The following COL5A2 variants were observed in gnomAD, a reference collection of about 807,000 sequenced individuals.
The protein encoded by COL5A2 is collagen type V alpha 2 chain.
Under a neutral mutation model 208.2 loss-of-function variants are expected in COL5A2, and 23 were observed. That is an observed-to-expected ratio of 0.11 (90% CI 0.08 to 0.16). The LOEUF (loss-of-function observed/expected upper bound fraction) is 0.16, where lower values mean the gene tolerates loss of function less well. COL5A2 is among the 10% of genes least tolerant of loss of function. The pLI, the probability that COL5A2 is intolerant of heterozygous loss-of-function variation, is 1.00. For missense variants in COL5A2, 1,590 were observed against 1,956.4 expected, an observed-to-expected ratio of 0.81 and a Z score of 3.53; for synonymous variants, 625 against 628.5, an observed-to-expected ratio of 0.99 and a Z score of 0.08.
At chr2:189,304,449 G>T in the COL5A2 span, among the ~76,000 whole-genome samples, 1 of 152,192 alleles carries the variant, frequency 6.6e-6, no homozygotes. Context: ...TGTTCAGCCT[G>T]TACAGGAAGC....
At chr2:189,181,891 T>G (rs977307617), upstream of COL5A2, among the ~76,000 whole-genome samples, 1 of 152,210 alleles carries the variant, frequency 6.6e-6, no homozygotes, top group Non-Finnish European at 1.5e-5. Context: ...AGTTTCAATC[T>G]CCTCTTCCCA....
the COL5A2 span, among the ~76,000 whole-genome samples, chr2:189,252,244 C>T: frequency 2.0e-5 from 3 of 152,134 alleles, no homozygotes; most frequent in Non-Finnish European, 4.4e-5. Context: ...CCATTTGACC[C>T]AGCCATCCCA....
intron 11 of COL5A2, among the ~76,000 whole-genome samples, chr2:189,084,772 C>T (rs72904475): frequency 0.14 from 21,619 of 152,092 alleles, 1,528 homozygotes; most frequent in Middle Eastern, 0.19. Flanking sequence ...ACTACTAACA[C>T]GTTTTAAAAA....
the COL5A2 span, among the ~76,000 whole-genome samples, chr2:189,350,626 A>C: frequency 0.036 from 5,540 of 152,226 alleles, 117 homozygotes; most frequent in Admixed American, 0.05. Flanking sequence ...GTGACTAATT[A>C]TGTTTGTGGA....
chr2:189,041,544 G>T, intron 50 of COL5A2, 42 bp downstream of exon 50: 1 of 1,426,964 alleles, frequency 7.0e-7, no homozygotes, highest in South Asian at 1.1e-5. Flanking sequence ...CTGAGCTATT[G>T]AATAAATAGC....
chr2:189,234,000 T>C, the COL5A2 span, among the ~76,000 whole-genome samples: 1 of 151,728 alleles, frequency 6.6e-6, no homozygotes, highest in Non-Finnish European at 1.5e-5. Flanking sequence ...TCTTATCTAT[T>C]TTCTTTGTTT....
At chr2:189,270,479 A>G in the COL5A2 span, among the ~76,000 whole-genome samples, 1 of 152,016 alleles carries the variant, frequency 6.6e-6, no homozygotes, top group African/African-American at 2.4e-5. Flanking sequence ...TAATTTCGTT[A>G]TTTACCCAGT....
the COL5A2 span, among the ~76,000 whole-genome samples, chr2:189,413,992 A>G: frequency 2.6e-5 from 4 of 151,796 alleles, no homozygotes; most frequent in African/African-American, 9.7e-5. Context: ...GGGTTTCACC[A>G]TGTTGGCCAG....
chr2:189,230,411 G>T, the COL5A2 span, among the ~76,000 whole-genome samples: 25 of 151,808 alleles, frequency 1.6e-4, no homozygotes, highest in African/African-American at 5.8e-4. Context: ...GACAATATTT[G>T]CAAATTATAT....
At chr2:189,350,737 A>G in the COL5A2 span, among the ~76,000 whole-genome samples, 1 of 152,170 alleles carries the variant, frequency 6.6e-6, no homozygotes, top group Non-Finnish European at 1.5e-5. Flanking sequence ...GCATGTTCCC[A>G]ATGCCTTTTG....
At chr2:189,103,411 T>C (rs1687085560) in intron 3 of COL5A2, among the ~76,000 whole-genome samples, 1 of 152,048 alleles carries the variant, frequency 6.6e-6, no homozygotes, top group African/African-American at 2.4e-5. Flanking sequence ...ATCTGTTATC[T>C]GATAAATCAT....
chr2:189,049,765 C>T (rs568667654), intron 43 of COL5A2, among the ~76,000 whole-genome samples: 1 of 152,192 alleles, frequency 6.6e-6, no homozygotes, highest in South Asian at 2.1e-4. Flanking sequence ...TCACTTTCAT[C>T]CTTTTTCCCC....
the COL5A2 span, among the ~76,000 whole-genome samples, chr2:189,371,200 G>C: frequency 6.6e-6 from 1 of 152,128 alleles, no homozygotes; most frequent in African/African-American, 2.4e-5. Context: ...GCAGATGCTA[G>C]TGCCATGCTT....
At chr2:189,064,929 A>G (rs1686114784) in intron 24 of COL5A2, 75 bp downstream of exon 24, 1 of 1,385,804 alleles carries the variant, frequency 7.2e-7, no homozygotes, top group South Asian at 1.2e-5. Flanking sequence ...GGCCATAGCT[A>G]GATCACCGTG....
chr2:189,138,423 G>A (rs1482277041), intron 1 of COL5A2, among the ~76,000 whole-genome samples: 1 of 152,048 alleles, frequency 6.6e-6, no homozygotes, highest in East Asian at 1.9e-4. Context: ...CGATTCTACT[G>A]TCTCTGCTTC....
At chr2:189,145,982 T>C (rs759679295) in intron 1 of COL5A2, among the ~76,000 whole-genome samples, 5 of 152,066 alleles carry the variant, frequency 3.3e-5, no homozygotes, top group Admixed American at 1.3e-4. Context: ...TAGAATTACA[T>C]TGAAGGCAAG....
At chr2:189,043,322 T>TA (rs1685598678) in intron 47 of COL5A2, 64 bp from the exon 48 acceptor site, 1 of 1,163,998 alleles carries the variant, frequency 8.6e-7, no homozygotes, top group Non-Finnish European at 1.3e-6. Context: ...TAAAATTTAC[T>TA]AAAATTTTAC....
At chr2:189,145,358 T>C (rs1317572974) in intron 1 of COL5A2, among the ~76,000 whole-genome samples, 1 of 152,188 alleles carries the variant, frequency 6.6e-6, no homozygotes, top group African/African-American at 2.4e-5. Flanking sequence ...CAAGGCAGCG[T>C]TCACTGAATT....
chr2:189,199,591 G>T (rs978845115), intron 1 of COL5A2, among the ~76,000 whole-genome samples: 6 of 152,022 alleles, frequency 3.9e-5, no homozygotes, highest in African/African-American at 1.2e-4. Flanking sequence ...TCTTCAAAAG[G>T]TTTATCTTCT....
Sources: allele counts gnomAD v4.1 joint callset (sites outside exome capture counted in the v4.1 genomes callset), GRCh38; gene constraint gnomAD v4.1.1; transcripts MANE v1.5; gene names NCBI Gene and HGNC (gene_info 2026-07-23, HGNC 2026-07-21).